GLIS3: variants seen among roughly 807,000 people sequenced by gnomAD.
GLIS3 encodes GLIS family zinc finger 3.
In GLIS3, 53 loss-of-function variants were observed where a neutral mutation model predicts 78.6. The ratio of observed to expected loss-of-function variants is 0.67; its 90% CI spans 0.54 to 0.85. GLIS3 has a LOEUF of 0.85. Ranked by LOEUF, GLIS3 falls within the 40% of genes least tolerant of loss-of-function variation. The probability of loss-of-function intolerance (pLI) is 0.00; values close to 1 mark genes in which losing one functional copy is unlikely to be tolerated. For synonymous variants in GLIS3, 684 were observed against 509.9 expected, an observed-to-expected ratio of 1.34 and a Z score of -4.60; for missense variants, 1,703 against 1,231.1, an observed-to-expected ratio of 1.38 and a Z score of -5.74.
chr9:4,368,177 G>T, the GLIS3 span, among the ~76,000 whole-genome samples: 1 of 152,006 alleles, frequency 6.6e-6, no homozygotes, highest in Non-Finnish European at 1.5e-5. Context: ...TTATCCTTAC[G>T]TTTTAAAAAG....
the GLIS3 span, among the ~76,000 whole-genome samples, chr9:4,380,629 T>C: frequency 6.6e-6 from 1 of 152,176 alleles, no homozygotes; most frequent in Non-Finnish European, 1.5e-5. Flanking sequence ...GGCCAAGAAA[T>C]CTGGATATTT....
chr9:4,038,159 G>T (rs1824491571), intron 4 of GLIS3, among the ~76,000 whole-genome samples: 1 of 152,130 alleles, frequency 6.6e-6, no homozygotes. Context: ...GTCACTCTTG[G>T]ATTAATTTAT....
intron 4 of GLIS3, among the ~76,000 whole-genome samples, chr9:3,955,975 A>ATAGACTGC: frequency 6.7e-6 from 1 of 148,766 alleles, no homozygotes; most frequent in Non-Finnish European, 1.5e-5. Flanking sequence ...GGACCATACC[A>ATAGACTGC]TAGACTGCTC....
At chr9:3,904,494 G>C (rs536117565) in intron 6 of GLIS3, among the ~76,000 whole-genome samples, 1 of 152,152 alleles carries the variant, frequency 6.6e-6, no homozygotes, top group South Asian at 2.1e-4. Context: ...ATAATATATA[G>C]ATATTTATCT....
At chr9:4,214,151 G>C (rs1820618231) in intron 2 of GLIS3, among the ~76,000 whole-genome samples, 1 of 152,164 alleles carries the variant, frequency 6.6e-6, no homozygotes, top group Non-Finnish European at 1.5e-5. Flanking sequence ...CATGGTGAAA[G>C]TTAATGGAAC....
At chr9:4,381,627 TGTCTTC>T in the GLIS3 span, among the ~76,000 whole-genome samples, 2 of 150,990 alleles carry the variant, frequency 1.3e-5, no homozygotes, top group African/African-American at 5.0e-5. Context: ...CATGCCTGTT[TGTCTTC>T]CTGAAGGAAG....
At chr9:3,843,865 G>T (rs1389782930) in intron 9 of GLIS3, among the ~76,000 whole-genome samples, 2 of 152,164 alleles carry the variant, frequency 1.3e-5, no homozygotes, top group African/African-American at 2.4e-5. Flanking sequence ...GGTGATGAAC[G>T]TAAGAAGGGA....
At chr9:4,164,813 A>T (rs1835755966) in intron 2 of GLIS3, among the ~76,000 whole-genome samples, 1 of 152,214 alleles carries the variant, frequency 6.6e-6, no homozygotes. Flanking sequence ...ACTCAGATGA[A>T]CACTCCCAAG....
chr9:4,160,728 G>A (rs1177904506), intron 2 of GLIS3, among the ~76,000 whole-genome samples: 2 of 152,102 alleles, frequency 1.3e-5, no homozygotes, highest in African/African-American at 2.4e-5. Context: ...TAATTCTAAC[G>A]AACTCTGTAC....
At chr9:4,263,297 C>T (rs923832176) in intron 2 of GLIS3, among the ~76,000 whole-genome samples, 1 of 152,082 alleles carries the variant, frequency 6.6e-6, no homozygotes, top group Non-Finnish European at 1.5e-5. Flanking sequence ...TTTTTAAAAA[C>T]GACTTCACTC....
chr9:4,080,007 G>T (rs1828417314), intron 4 of GLIS3, among the ~76,000 whole-genome samples: 1 of 152,190 alleles, frequency 6.6e-6, no homozygotes, highest in South Asian at 2.1e-4. Context: ...TATGCACAAT[G>T]ATTTAAGAAG....
chr9:3,852,477 C>A (rs931385570), intron 9 of GLIS3, among the ~76,000 whole-genome samples: 1 of 152,164 alleles, frequency 6.6e-6, no homozygotes, highest in Non-Finnish European at 1.5e-5. Context: ...TACCAAGATG[C>A]TGTACAACTC....
chr9:3,940,909 G>T (rs958633722), intron 4 of GLIS3, among the ~76,000 whole-genome samples: 1 of 152,152 alleles, frequency 6.6e-6, no homozygotes, highest in Non-Finnish European at 1.5e-5. Context: ...GTACGGCTGG[G>T]CAGGTTACAT....
intron 1 of GLIS3, among the ~76,000 whole-genome samples, chr9:4,288,199 A>G (rs1427226031): frequency 1.3e-5 from 2 of 152,240 alleles, no homozygotes; most frequent in African/African-American, 4.8e-5. Flanking sequence ...CATGAGCAAC[A>G]GTCACTTAAT....
chr9:3,991,721 CA>C (rs1314911709), intron 4 of GLIS3, among the ~76,000 whole-genome samples: 1 of 104,404 alleles, frequency 9.6e-6, no homozygotes, highest in Non-Finnish European at 1.7e-5. Flanking sequence ...GACGGAGTCT[CA>C]CTCTGTCGCC....
At chr9:4,473,457 C>CAAAAAAAAAAAAAA in the GLIS3 span, among the ~76,000 whole-genome samples, 13 of 60,606 alleles carry the variant, frequency 2.1e-4, no homozygotes, top group South Asian at 6.5e-4. Flanking sequence ...ACAACAACAA[C>CAAAAAAAAAAAAAA]AACAAAAAAA....
intron 4 of GLIS3, among the ~76,000 whole-genome samples, chr9:4,044,011 C>T (rs1825044620): frequency 1.3e-5 from 2 of 152,158 alleles, no homozygotes; most frequent in African/African-American, 4.8e-5. Flanking sequence ...TTGTCAAGAG[C>T]ACAGGTAAGG....
chr9:3,998,653 G>T (rs990979667), intron 4 of GLIS3, among the ~76,000 whole-genome samples: 8 of 151,154 alleles, frequency 5.3e-5, no homozygotes, highest in African/African-American at 1.9e-4. Context: ...ATTGCTCTGT[G>T]GCTATGTAAT....
chr9:3,897,192 C>T (rs1822914186), intron 7 of GLIS3, among the ~76,000 whole-genome samples: 1 of 152,144 alleles, frequency 6.6e-6, no homozygotes, highest in South Asian at 2.1e-4. Context: ...CAGACTAGCC[C>T]ATCACTAGAA....
Sources: allele counts gnomAD v4.1 joint callset (sites outside exome capture counted in the v4.1 genomes callset), GRCh38; gene constraint gnomAD v4.1.1; transcripts MANE v1.5; gene names NCBI Gene and HGNC (gene_info 2026-07-23, HGNC 2026-07-21).